CLYBL: variants seen among roughly 807,000 people sequenced by gnomAD.
The protein encoded by CLYBL is citramalyl-CoA lyase, also known as citramalyl-CoA lyase, mitochondrial.
Under a neutral mutation model 38.9 loss-of-function variants are expected in CLYBL, and 31 were observed. The ratio of observed to expected loss-of-function variants is 0.80; its 90% CI spans 0.60 to 1.08. The LOEUF (loss-of-function observed/expected upper bound fraction) is 1.08. Ranked by LOEUF, CLYBL falls within the 50% of genes least tolerant of loss-of-function variation. The pLI is 0.00. For missense variants in CLYBL, 434 were observed against 411.6 expected, an observed-to-expected ratio of 1.05 and a Z score of -0.47; for synonymous variants, 171 against 158.6, an observed-to-expected ratio of 1.08 and a Z score of -0.59.
intron 1 of CLYBL, among the ~76,000 whole-genome samples, chr13:99,658,995 AT>A (rs949679926): frequency 2.0e-5 from 3 of 152,108 alleles, no homozygotes; most frequent in Non-Finnish European, 4.4e-5. Context: ...ATTAAAAGAG[AT>A]TTTTCCCCCA....
chr13:99,672,048 A>G (rs866123958), intron 1 of CLYBL, among the ~76,000 whole-genome samples: 19 of 152,262 alleles, frequency 1.2e-4, no homozygotes, highest in Admixed American at 5.9e-4. Flanking sequence ...TATGTCTCAC[A>G]TCTTTTTGTT....
At chr13:99,833,007 C>CATACATATATATATATATATATATAT (rs1189179465) in intron 2 of CLYBL, among the ~76,000 whole-genome samples, 5 of 51,582 alleles carry the variant, frequency 9.7e-5, no homozygotes, top group East Asian at 7.7e-4. Flanking sequence ...TACATACATA[C>CATACATATATATATATATATATATAT]ATATATATAT....
intron 2 of CLYBL, among the ~76,000 whole-genome samples, chr13:99,854,860 A>G (rs916532339): frequency 6.6e-6 from 1 of 152,190 alleles, no homozygotes; most frequent in Admixed American, 6.5e-5. Context: ...CCTGGCCCAG[A>G]CAGAGTCACC....
chr13:99,727,815 T>G (rs1255921600), intron 1 of CLYBL, among the ~76,000 whole-genome samples: 4 of 152,118 alleles, frequency 2.6e-5, no homozygotes, highest in Non-Finnish European at 5.9e-5. Flanking sequence ...CGGTGGCTCA[T>G]GCATGTAGTC....
chr13:99,758,610 A>G (rs1365300261), intron 1 of CLYBL, among the ~76,000 whole-genome samples: 7 of 152,174 alleles, frequency 4.6e-5, no homozygotes, highest in Admixed American at 4.6e-4. Flanking sequence ...ACCAGCAGGA[A>G]GGGAGGAGGG....
intron 2 of CLYBL, among the ~76,000 whole-genome samples, chr13:99,789,845 A>G (rs2049878399): frequency 6.6e-6 from 1 of 152,172 alleles, no homozygotes; most frequent in African/African-American, 2.4e-5. Flanking sequence ...GTCTCTTTGT[A>G]GATCTCTAAG....
intron 1 of CLYBL, among the ~76,000 whole-genome samples, chr13:99,672,182 G>A (rs887762805): frequency 2.7e-5 from 4 of 149,978 alleles, no homozygotes; most frequent in African/African-American, 9.7e-5. Context: ...TCTTTTCTTC[G>A]GGAATTTCTT....
chr13:99,783,051 C>CT (rs995344000), intron 2 of CLYBL, among the ~76,000 whole-genome samples: 3 of 150,506 alleles, frequency 2.0e-5, no homozygotes, highest in East Asian at 1.9e-4. Context: ...TTTTGTTTTG[C>CT]TTTTTTTTTG....
Position 99,772,862 on chromosome 13 carries a change from A to G in CLYBL, c.101A>G (p.Tyr34Cys), listed in dbSNP as rs1326048797. ...GCAGCTGATATCCCCAGACTTGGAT[A>G]TAGTTCCTCATCCCATCACAAGTAC... ...SLAADIPRLG[Y>C]SSSSHHKYIP... The change falls in exon 2 of 9, where the codon TAT becomes TGT. Residue 34 changes from tyrosine to cysteine, a missense_variant. Tyr to Cys is a radical substitution (Grantham distance 194). Transcript: ENST00000339105. The G allele has an allele frequency of 1.2e-6, 2 of 1,611,044 alleles. No homozygotes were observed. The highest frequency in any genetic ancestry group is 2.2e-5 in the East Asian group (1 of 44,874).
intron 1 of CLYBL, among the ~76,000 whole-genome samples, chr13:99,685,548 G>A (rs1190893111): frequency 6.6e-6 from 1 of 152,104 alleles, no homozygotes; most frequent in Non-Finnish European, 1.5e-5. Context: ...TACTGAAACC[G>A]ATATAATTTA....
chr13:99,874,137 T>C (rs2051978616), intron 7 of CLYBL, among the ~76,000 whole-genome samples: 1 of 152,206 alleles, frequency 6.6e-6, no homozygotes, highest in African/African-American at 2.4e-5. Flanking sequence ...GGTTATCTTA[T>C]CTTATTAAAA....
At chr13:99,883,518 C>CAAAAAA (rs199528877) in intron 7 of CLYBL, among the ~76,000 whole-genome samples, 1 of 130,870 alleles carries the variant, frequency 7.6e-6, no homozygotes, top group African/African-American at 2.8e-5. Context: ...GACTCCATCT[C>CAAAAAA]AAAAAAAAAA....
At chr13:99,888,188 C>T (rs2052399014) in intron 7 of CLYBL, among the ~76,000 whole-genome samples, 1 of 152,152 alleles carries the variant, frequency 6.6e-6, no homozygotes, top group African/African-American at 2.4e-5. Flanking sequence ...AGGAAAAGCT[C>T]TGGAGATCTG....
chr13:99,835,859 GCA>G (rs1444280670), intron 2 of CLYBL, among the ~76,000 whole-genome samples: 8 of 152,170 alleles, frequency 5.3e-5, no homozygotes, highest in Non-Finnish European at 1.2e-4. Context: ...GTATCACTGT[GCA>G]CAGTTAACCA....
intron 1 of CLYBL, among the ~76,000 whole-genome samples, chr13:99,685,393 A>G (rs1025274869): frequency 2.6e-5 from 4 of 152,256 alleles, no homozygotes; most frequent in South Asian, 4.1e-4. Flanking sequence ...ATGTTTCAAC[A>G]TATTTATAAT....
At chr13:99,653,723 C>T (rs1376513689) in intron 1 of CLYBL, among the ~76,000 whole-genome samples, 1 of 152,018 alleles carries the variant, frequency 6.6e-6, no homozygotes, top group Non-Finnish European at 1.5e-5. Context: ...TTTTGAGTCT[C>T]ATAATTGTCC....
At chr13:99,785,191 CTTTT>C (rs58550861) in intron 2 of CLYBL, among the ~76,000 whole-genome samples, 854 of 34,050 alleles carry the variant, frequency 0.025, 9 homozygotes, top group African/African-American at 0.11. Flanking sequence ...CCCCGCCTGG[CTTTT>C]TTTTTTTTTT....
intron 1 of CLYBL, among the ~76,000 whole-genome samples, chr13:99,707,586 C>T (rs939526906): frequency 1.3e-5 from 2 of 151,940 alleles, no homozygotes; most frequent in Admixed American, 6.6e-5. Flanking sequence ...TTAATGATTT[C>T]GAATGAACAT....
intron 2 of CLYBL, among the ~76,000 whole-genome samples, chr13:99,837,001 G>T (rs902161074): frequency 1.3e-5 from 2 of 151,894 alleles, no homozygotes; most frequent in African/African-American, 4.8e-5. Context: ...TAACAAACCT[G>T]CACGTTGTGC....
Sources: allele counts gnomAD v4.1 joint callset (sites outside exome capture counted in the v4.1 genomes callset), GRCh38; gene constraint gnomAD v4.1.1; transcripts MANE v1.5; gene names NCBI Gene and HGNC (gene_info 2026-07-23, HGNC 2026-07-21).